Variants in GRID1 observed in about 807,000 individuals in gnomAD.
GRID1 encodes glutamate receptor ionotropic, delta-1.
Under a neutral mutation model 98.0 loss-of-function variants are expected in GRID1, and 28 were observed. That is an observed-to-expected ratio of 0.29 (90% confidence interval 0.21 to 0.39). The LOEUF (loss-of-function observed/expected upper bound fraction) is 0.39, where lower values mean the gene tolerates loss of function less well. GRID1 is among the 10% of genes least tolerant of loss of function. The pLI is 1.00. For missense variants in GRID1, 1,111 were observed against 1,340.5 expected (o/e 0.83, Z 2.67); for synonymous variants, 553 against 538.5 (o/e 1.03, Z -0.37).
chr10:86,184,026 T>A (rs1400273230), intron 3 of GRID1, among the ~76,000 whole-genome samples: 1 of 152,250 alleles, frequency 6.6e-6, no homozygotes, highest in Non-Finnish European at 1.5e-5. Flanking sequence ...AATCAATAAT[T>A]AGCATTTCTC....
At chr10:85,880,601 T>C (rs1840992369) in intron 5 of GRID1, among the ~76,000 whole-genome samples, 1 of 151,770 alleles carries the variant, frequency 6.6e-6, no homozygotes, top group Non-Finnish European at 1.5e-5. Context: ...CTCAATAAAT[T>C]AGGTATTGAT....
At chr10:85,806,237 T>A (rs1031470603) in intron 8 of GRID1, among the ~76,000 whole-genome samples, 2 of 152,106 alleles carry the variant, frequency 1.3e-5, no homozygotes, top group Admixed American at 1.3e-4. Flanking sequence ...TATTAGTCTT[T>A]ATAGAAGAAT....
chr10:85,959,541 C>A (rs1356799346), intron 4 of GRID1, among the ~76,000 whole-genome samples: 1 of 151,958 alleles, frequency 6.6e-6, no homozygotes, highest in African/African-American at 2.4e-5. Context: ...CCACCCGCCC[C>A]CACCCGAGGC....
intron 12 of GRID1, among the ~76,000 whole-genome samples, chr10:85,657,035 G>A (rs758195063): frequency 6.6e-5 from 10 of 152,212 alleles, no homozygotes; most frequent in South Asian, 2.1e-4. Flanking sequence ...TGCTCTCGCC[G>A]TACCAGCCTC....
chr10:85,950,814 A>G (rs1458672383), intron 4 of GRID1, among the ~76,000 whole-genome samples: 1 of 152,092 alleles, frequency 6.6e-6, no homozygotes, highest in African/African-American at 2.4e-5. Flanking sequence ...AGTCCTCTCA[A>G]ATCAGGTTCC....
At chr10:85,963,348 T>C (rs1007031474) in intron 4 of GRID1, among the ~76,000 whole-genome samples, 16 of 152,174 alleles carry the variant, frequency 1.1e-4, no homozygotes, top group African/African-American at 3.9e-4. Context: ...GTATTGACCA[T>C]CACCTCTCTG....
intron 2 of GRID1, among the ~76,000 whole-genome samples, chr10:86,320,119 G>A (rs191828915): frequency 7.9e-5 from 12 of 152,332 alleles, no homozygotes; most frequent in East Asian, 7.7e-4. Flanking sequence ...TATAGATTAC[G>A]GTAAAGCAAG....
At chr10:86,142,789 G>A (rs988081419) in intron 3 of GRID1, among the ~76,000 whole-genome samples, 2 of 152,214 alleles carry the variant, frequency 1.3e-5, no homozygotes, top group Non-Finnish European at 2.9e-5. Flanking sequence ...ATGCCAGCAT[G>A]GCCAGTCCTC....
chr10:86,339,791 A>T (rs1235061387), intron 2 of GRID1, among the ~76,000 whole-genome samples: 1 of 152,190 alleles, frequency 6.6e-6, no homozygotes, highest in Non-Finnish European at 1.5e-5. Context: ...TTGATGGAAC[A>T]CCTGCTGTAT....
At chr10:86,062,157 G>A (rs932647916) in intron 4 of GRID1, among the ~76,000 whole-genome samples, 9 of 152,174 alleles carry the variant, frequency 5.9e-5, no homozygotes, top group Admixed American at 5.9e-4. Flanking sequence ...GTTGTGCTTT[G>A]CATCTTACCC....
chr10:85,619,965 G>A lies in GRID1; in HGVS notation c.2262C>T (p.Asp754=), dbSNP rs146654661. The change falls in exon 14 of 16, where the codon GAC becomes GAT. Residue 754 remains aspartate, a synonymous_variant. Transcript: ENST00000327946. ...TGCCGATGACAGTCACCGAGCAGTC[G>A]TCATCCGTCAGGGCTGCGTATTCCA... The part of the protein sequence containing the change: ...AVVEYAALTD[D]DCSVTVIGNS... The A allele has an allele frequency of 1.1e-5, 17 of 1,613,768 alleles. No individual in the cohort carries two copies. Among genetic ancestry groups the A allele is most frequent in the Middle Eastern group, 1.6e-4 (1 of 6,084 alleles).
At chr10:86,158,400 T>C (rs562333077) in intron 3 of GRID1, among the ~76,000 whole-genome samples, 7 of 152,196 alleles carry the variant, frequency 4.6e-5, no homozygotes, top group Non-Finnish European at 1.0e-4. Flanking sequence ...ATGACCATCA[T>C]CAGAAATTAC....
chr10:85,798,096 C>T (rs926212276), intron 8 of GRID1, among the ~76,000 whole-genome samples: 1 of 152,126 alleles, frequency 6.6e-6, no homozygotes, highest in Non-Finnish European at 1.5e-5. Flanking sequence ...CTTTTGAGTA[C>T]AATGATCTAT....
chr10:85,978,090 T>C (rs1199321932), intron 4 of GRID1, among the ~76,000 whole-genome samples: 1 of 152,216 alleles, frequency 6.6e-6, no homozygotes, highest in African/African-American at 2.4e-5. Flanking sequence ...ATCCTTATAG[T>C]TCTTGCTTAA....
At chr10:85,771,724 G>A (rs1245372664) in intron 8 of GRID1, among the ~76,000 whole-genome samples, 6 of 152,270 alleles carry the variant, frequency 3.9e-5, no homozygotes, top group South Asian at 4.1e-4. Context: ...AGAGACAAAG[G>A]CGGCCATTAC....
At chr10:85,999,041 T>C (rs892127950) in intron 4 of GRID1, among the ~76,000 whole-genome samples, 1 of 151,984 alleles carries the variant, frequency 6.6e-6, no homozygotes, top group African/African-American at 2.4e-5. Flanking sequence ...GGCGAAACCC[T>C]GTCTCTACTA....
chr10:86,030,250 G>A (rs148814335), intron 4 of GRID1, among the ~76,000 whole-genome samples: 1,537 of 152,224 alleles, frequency 0.01, 10 homozygotes, highest in Admixed American at 0.024. Context: ...TAAAGAGAAC[G>A]GTTGGTTTAA....
intron 5 of GRID1, among the ~76,000 whole-genome samples, chr10:85,883,892 A>G (rs565323829): frequency 6.6e-6 from 1 of 152,334 alleles, no homozygotes; most frequent in South Asian, 2.1e-4. Flanking sequence ...CTCCTTCTGC[A>G]TAGTGTGTTC....
chr10:85,657,941 A>C (rs1840921093), intron 12 of GRID1, among the ~76,000 whole-genome samples: 1 of 152,172 alleles, frequency 6.6e-6, no homozygotes, highest in Non-Finnish European at 1.5e-5. Flanking sequence ...TGCCAAGAAC[A>C]TGGCTAGCTC....
Sources: allele counts gnomAD v4.1 joint callset (sites outside exome capture counted in the v4.1 genomes callset), GRCh38; gene constraint gnomAD v4.1.1; transcripts MANE v1.5; gene names NCBI Gene and HGNC (gene_info 2026-07-23, HGNC 2026-07-21).